Variants in DUSP16 observed in about 807,000 individuals in gnomAD.
The protein encoded by DUSP16 is dual specificity phosphatase 16.
A neutral mutation model predicts 58.3 loss-of-function variants in DUSP16; 21 were observed. The observed-to-expected ratio is 0.36, with a 90% CI of 0.26 to 0.52. DUSP16 has a LOEUF of 0.52. DUSP16 is among the 20% of genes least tolerant of loss of function. The pLI is 0.94. For synonymous variants in DUSP16, 320 were observed against 323.8 expected, an observed-to-expected ratio of 0.99 and a Z score of 0.12; for missense variants, 726 against 819.0, an observed-to-expected ratio of 0.89 and a Z score of 1.39.
intron 1 of DUSP16, among the ~76,000 whole-genome samples, chr12:12,544,640 G>A (rs1592207995): frequency 6.9e-6 from 1 of 145,354 alleles, no homozygotes; most frequent in Non-Finnish European, 1.5e-5. Context: ...GTTTTTGTTT[G>A]TTTCTCAATT....
In DUSP16 at chr12:12,548,645, AAAG is replaced by A. The variant is rs1319891519; in HGVS notation, c.-366+13469_-366+13471del. 3.8e-3 allele frequency among the ~76,000 whole-genome samples: 525 copies of A among 139,214 alleles called. 11 individuals are homozygous for A. Among genetic ancestry groups the A allele is most frequent in the African/African-American group, 0.013 (463 of 36,952 alleles). The allele number at this position is 139,214 out of a possible 152,430, so 91.3% of individuals were successfully genotyped here. A position where few individuals can be genotyped will look rare whatever the true frequency, so the allele number is the denominator to read the frequency against. On this transcript the variant is annotated intron_variant, in intron 1 of 6. Transcript: ENST00000298573. ...GACTCTGTCTCAAAAAAAAAAAAAA[AAAG>A]AAAAAGAAAAAGAAAAAGAAAAAAA... is the stretch of plus-strand genomic sequence containing the variant.
At chr12:12,530,018 T>C (rs868598981) in intron 1 of DUSP16, among the ~76,000 whole-genome samples, 60 of 152,240 alleles carry the variant, frequency 3.9e-4, no homozygotes, top group African/African-American at 1.4e-3. Flanking sequence ...ACATCTCATT[T>C]TCTTTACTCA....
At chr12:12,531,598 T>C (rs557267335) in intron 1 of DUSP16, among the ~76,000 whole-genome samples, 56 of 152,164 alleles carry the variant, frequency 3.7e-4, no homozygotes, top group African/African-American at 1.2e-3. Context: ...AACAAGGAGG[T>C]AGTTTCAAGA....
intron 1 of DUSP16, among the ~76,000 whole-genome samples, chr12:12,521,959 T>G (rs1268318925): frequency 1.3e-5 from 2 of 152,148 alleles, no homozygotes; most frequent in African/African-American, 4.8e-5. Context: ...TGTATATGTG[T>G]GTATGTGTGT....
Position 12,521,229 on chromosome 12 carries a change from A to T in DUSP16, c.-131T>A. On this transcript the variant is annotated 5_prime_UTR_variant, in exon 2 of 7. Transcript: ENST00000298573. ...AGGTCAGGCTGGTGGTGACTGGCAA[A>T]AGGAGAGTTAAACCCATTTTCAGCA... 1 of 1,469,434 alleles carries T rather than the reference A, an allele frequency of 6.8e-7. No homozygotes were observed. Among genetic ancestry groups the T allele is most frequent in the Non-Finnish European group, 9.0e-7 (1 of 1,113,448 alleles). 91.0% of individuals were successfully genotyped at this position (1,469,434 alleles called of 1,614,324 possible).
rs1377822989 is a variant in DUSP16, at chr12:12,487,052, A to G, written c.667T>C (p.Leu223=). The change falls in exon 5 of 7, where the codon TTG becomes CTG. Residue 223 remains leucine, a synonymous_variant. Transcript: ENST00000298573. ...CCAATGAAATCTACTGATTTGTCCA[A>G]CCACGGCAAAATTTTCTCACAAAAG... is the stretch of plus-strand genomic sequence containing the variant. ...DSFCEKILPW[L]DKSVDFIEKA... 5 of 1,614,002 alleles carry G rather than the reference A, an allele frequency of 3.1e-6. No individual in the cohort carries two copies. The highest frequency in any genetic ancestry group is 2.7e-5 in the African/African-American group (2 of 74,932).
At chr12:12,503,630 C>T (rs1421227955) in intron 3 of DUSP16, among the ~76,000 whole-genome samples, 1 of 152,146 alleles carries the variant, frequency 6.6e-6, no homozygotes, top group African/African-American at 2.4e-5. Flanking sequence ...GTAAGGTTAA[C>T]TTCCCAAAGT....
chr12:12,480,387 T>C (rs571936505), intron 5 of DUSP16, 41 bp from the exon 6 acceptor site: 2 of 1,595,044 alleles, frequency 1.3e-6, no homozygotes, highest in South Asian at 2.3e-5. Flanking sequence ...ACTAACTATT[T>C]TGTTCAGCAG....
chr12:12,531,156 T>C (rs1944378350), intron 1 of DUSP16, among the ~76,000 whole-genome samples: 1 of 152,142 alleles, frequency 6.6e-6, no homozygotes, highest in African/African-American at 2.4e-5. Context: ...TCTGAACAAT[T>C]TGGAACACAG....
At chr12:12,494,372 A>G (rs956837694) in intron 4 of DUSP16, among the ~76,000 whole-genome samples, 9 of 152,200 alleles carry the variant, frequency 5.9e-5, no homozygotes, top group African/African-American at 2.2e-4. Flanking sequence ...ATAATCACCA[A>G]GGGCTTACTA....
chr12:12,529,754 C>A (rs1252234350), intron 1 of DUSP16, among the ~76,000 whole-genome samples: 1 of 152,204 alleles, frequency 6.6e-6, no homozygotes, highest in African/African-American at 2.4e-5. Context: ...TCAACTTTTT[C>A]AGCTCCCATA....
At chr12:12,526,101 T>C (rs1212228520) in intron 1 of DUSP16, among the ~76,000 whole-genome samples, 1 of 152,176 alleles carries the variant, frequency 6.6e-6, no homozygotes, top group Non-Finnish European at 1.5e-5. Context: ...TTTAAAAGAC[T>C]ATCTAGGAAT....
At chr12:12,512,604 C>T (rs2136224741) in intron 3 of DUSP16, among the ~76,000 whole-genome samples, 1 of 152,300 alleles carries the variant, frequency 6.6e-6, no homozygotes, top group East Asian at 1.9e-4. Context: ...TTTCAATTAG[C>T]ATAATGTCCT....
At chr12:12,492,273 C>G (rs1461940179) in intron 4 of DUSP16, among the ~76,000 whole-genome samples, 5 of 152,200 alleles carry the variant, frequency 3.3e-5, no homozygotes, top group African/African-American at 1.2e-4. Flanking sequence ...TGTCCCCACT[C>G]ATCTTCACTC....
chr12:12,529,145 C>G (rs1194395283), intron 1 of DUSP16, among the ~76,000 whole-genome samples: 4 of 152,150 alleles, frequency 2.6e-5, no homozygotes, highest in Non-Finnish European at 5.9e-5. Context: ...GGGTCTTGCT[C>G]TGTCACCCAA....
intron 3 of DUSP16, among the ~76,000 whole-genome samples, chr12:12,514,742 C>T (rs917443040): frequency 2.6e-5 from 4 of 152,132 alleles, no homozygotes; most frequent in African/African-American, 7.2e-5. Flanking sequence ...AATCACGGCT[C>T]GCTGCAACCT....
At chr12:12,542,914 G>A (rs1944586991) in intron 1 of DUSP16, among the ~76,000 whole-genome samples, 1 of 152,060 alleles carries the variant, frequency 6.6e-6, no homozygotes, top group South Asian at 2.1e-4. Context: ...CCTCATGAAT[G>A]GGATTCATGC....
At chr12:12,541,565 G>A (rs906952884) in intron 1 of DUSP16, among the ~76,000 whole-genome samples, 3 of 152,176 alleles carry the variant, frequency 2.0e-5, no homozygotes, top group Non-Finnish European at 2.9e-5. Context: ...GATAGTTGTA[G>A]TTGGAATGAG....
At chr12:12,524,595 G>C (rs1200138746) in intron 1 of DUSP16, among the ~76,000 whole-genome samples, 1 of 152,196 alleles carries the variant, frequency 6.6e-6, no homozygotes, top group Non-Finnish European at 1.5e-5. Flanking sequence ...GATGACAAGA[G>C]AATATTTTGC....
Sources: allele counts gnomAD v4.1 joint callset (sites outside exome capture counted in the v4.1 genomes callset), GRCh38; gene constraint gnomAD v4.1.1; transcripts MANE v1.5; gene names NCBI Gene and HGNC (gene_info 2026-07-23, HGNC 2026-07-21).